Variants in MSH6 observed in about 807,000 individuals in gnomAD.
MSH6 encodes mutS homolog 6.
In MSH6, 85 loss-of-function variants were observed where a neutral mutation model predicts 119.1. The observed-to-expected ratio is 0.71, with a 90% CI of 0.60 to 0.85. MSH6 has a LOEUF of 0.85. Ranked by LOEUF, MSH6 falls within the 40% of genes least tolerant of loss-of-function variation. The pLI is 0.00. For missense variants in MSH6, 2,163 were observed against 1,655.3 expected (o/e 1.31, Z -5.32); for synonymous variants, 830 against 586.9 (o/e 1.41, Z -5.99).
chr2:47,800,826 A>T lies in MSH6; in HGVS notation c.2843A>T (p.Glu948Val), dbSNP rs1669517117. Residue 948 changes from glutamate to valine, a missense_variant, in exon 4 of 10, where the codon GAA (glutamate) becomes GTA (valine). Transcript: ENST00000234420. ...DQALADIREN[E>V]QSLLEYLEKQ... is the part of the protein sequence containing the mutation. ...GCTCTTGCTGACATAAGAGAAAATG[A>T]ACAGAGCCTCCTGGAATACCTAGAG... The T allele has an allele frequency of 6.2e-7, 1 of 1,614,018 alleles. No homozygotes were observed. Among genetic ancestry groups the T allele is most frequent in the South Asian group, 1.1e-5 (1 of 91,084 alleles).
chr2:47,805,068 T>G (rs2104511604), intron 6 of MSH6, 41 bp downstream of exon 6: 1 of 1,292,080 alleles, frequency 7.7e-7, no homozygotes, highest in Non-Finnish European at 1.1e-6. Context: ...ATTCAGTCAT[T>G]TAGATGTGAT....
rs1572746412 is a variant in MSH6 at position 47,806,484 on chromosome 2, C to T, written c.3834C>T (p.Pro1278=). ...ACMVENECED[P]SQETITFLYK... is the part of the protein sequence containing the mutation. ...TGGTAGAAAATGAATGTGAAGACCC[C>T]AGCCAGGAGACTATTACGTTCCTCT... Residue 1278 remains proline, a synonymous_variant, in exon 9 of 10, where the codon CCC becomes CCT. Transcript: ENST00000234420. 1 of 1,614,022 alleles carries T rather than the reference C, an allele frequency of 6.2e-7. No individual in the cohort carries two copies. The highest frequency in any genetic ancestry group is 1.7e-5 in the Admixed American group (1 of 59,994).
chr2:47,788,882 C>G (rs1213298418), intron 1 of MSH6, among the ~76,000 whole-genome samples: 2 of 116,776 alleles, frequency 1.7e-5, no homozygotes, highest in Non-Finnish European at 3.4e-5. Context: ...CAGCATACTG[C>G]TATTTCTTTC....
rs60302527 is a variant in MSH6 at position 47,804,481 on chromosome 2, G to A, written c.3439-429G>A. On this transcript the variant is annotated intron_variant, in intron 5 of 9. Coordinates refer to ENST00000234420, the MANE Select transcript of MSH6 (RefSeq NM_000179.3). ...AGAGAGGCAGTATAGTGTGTATAGT[G>A]ATTTCCAAACTTTTTCTTTAAATCA... Among the ~76,000 whole-genome samples the A allele has an allele frequency of 2.2e-4, 34 of 151,452 alleles. No homozygotes were observed. In the East Asian group the frequency reaches 5.4e-3, roughly 24 times the overall value.
rs878853715 is a variant in MSH6, at chr2:47,800,208, A to C, written c.2225A>C (p.Asn742Thr). ...GTGCTAGATGCAGTGACATTAAACA[A>C]CTTGGAGATTTTTCTGAATGGAACA... Reference protein sequence around the residue: ...RMVLDAVTLNNLEIFLNGTNG... With the variant: ...RMVLDAVTLNTLEIFLNGTNG... The change falls in exon 4 of 10, where the codon AAC (asparagine) becomes ACC (threonine). Residue 742 changes from asparagine to threonine, a missense_variant. Coordinates refer to ENST00000234420, the MANE Select transcript of MSH6 (RefSeq NM_000179.3). 6.2e-7 allele frequency: 1 copy of C among 1,614,178 alleles called. No individual in the cohort carries two copies. Among genetic ancestry groups the C allele is most frequent in the Non-Finnish European group, 8.5e-7 (1 of 1,180,026 alleles).
chr2:47,806,651 G>A lies in MSH6; in HGVS notation c.4001G>A (p.Arg1334Gln), dbSNP rs267608122. 2.5e-6 allele frequency: 4 copies of A among 1,606,938 alleles called. No homozygotes were observed. The highest frequency in any genetic ancestry group is 3.4e-6 in the Non-Finnish European group (4 of 1,177,432). Residue 1334 changes from arginine (R) to glutamine (Q), a missense_variant and splice_region_variant, in exon 9 of 10, where the codon CGG becomes CAG. Arg to Gln is a conservative substitution (Grantham distance 43, BLOSUM62 1). Coordinates refer to ENST00000234420, the MANE Select transcript of MSH6 (RefSeq NM_000179.3). Reference sequence around the variant, plus strand: ...ATGAATCAGTCACTACGATTATTTCGGTAACTAACTAACTATAATGGAATT... The same window carrying A: ...ATGAATCAGTCACTACGATTATTTCAGTAACTAACTAACTATAATGGAATT... Reference protein sequence around the residue: ...EKMNQSLRLFREVCLASERST... With the variant: ...EKMNQSLRLFQEVCLASERST...
Position 47,806,407 on chromosome 2 carries a change from C to CT in MSH6, c.3802-43dup, listed in dbSNP as rs34154602. 0.095 allele frequency: 152,901 copies of CT among 1,613,676 alleles called. 8,496 individuals are homozygous for CT. Among genetic ancestry groups the CT allele is most frequent in the Non-Finnish European group, 0.11 (131,428 of 1,179,732 alleles). ...ACAAATTCGGTTTTTTGAGAGGGCA[C>CT]TTCTCTTGCTAGCACATGTATCGCT... is the stretch of plus-strand genomic sequence containing the variant. On this transcript the variant is annotated intron_variant, in intron 8 of 9. Transcript: ENST00000234420.
intron 3 of MSH6, among the ~76,000 whole-genome samples, chr2:47,796,573 T>G (rs1669109450): frequency 6.6e-6 from 1 of 152,234 alleles, no homozygotes; most frequent in Non-Finnish European, 1.5e-5. Context: ...TAAAACTTTT[T>G]TTGTTGTATT....
At chr2:47,807,252 C>CTGTT (rs564683969), downstream of MSH6, 53 of 229,926 alleles carry the variant, frequency 2.3e-4, no homozygotes, top group African/African-American at 5.6e-4. Flanking sequence ...AAATACAGGA[C>CTGTT]TGTTTGTTTT....
intron 8 of MSH6, 42 bp downstream of exon 8, chr2:47,806,400 G>C (rs1229969229): frequency 1.2e-6 from 2 of 1,612,436 alleles, no homozygotes; most frequent in African/African-American, 2.7e-5. Context: ...GGTTTTTTGA[G>C]AGGGCACTTC....
intron 2 of MSH6, among the ~76,000 whole-genome samples, chr2:47,795,203 A>T (rs931561272): frequency 1.3e-5 from 2 of 152,330 alleles, no homozygotes. Flanking sequence ...AAGACAGACT[A>T]AGTAGTCCTG....
chr2:47,809,170 T>C, downstream of MSH6: 1 of 1,574,806 alleles, frequency 6.3e-7, no homozygotes, highest in Non-Finnish European at 8.7e-7. Flanking sequence ...GTAGAAATCA[T>C]GCATGGGATA....
At chr2:47,806,109 CCGATGTTGCTTT>C in intron 7 of MSH6, 83 bp from the exon 8 acceptor site, 1 of 1,201,910 alleles carries the variant, frequency 8.3e-7, no homozygotes, top group South Asian at 1.3e-5. Flanking sequence ...GATGTACTAA[CCGATGTTGCTTT>C]TCTGTCCTAG....
intron 2 of MSH6, among the ~76,000 whole-genome samples, chr2:47,795,180 C>T (rs1363877497): frequency 1.3e-5 from 2 of 152,120 alleles, no homozygotes; most frequent in African/African-American, 2.4e-5. Flanking sequence ...GGGCTGTAGA[C>T]CCAGGTCATT....
intron 1 of MSH6, among the ~76,000 whole-genome samples, chr2:47,787,382 C>G (rs959843735): frequency 1.1e-4 from 17 of 152,240 alleles, no homozygotes; most frequent in African/African-American, 4.1e-4. Flanking sequence ...AAAGAGAAAG[C>G]AAAAATAATG....
At position 47,798,816 on chromosome 2, in the gene MSH6, T is replaced by C. The variant is rs876658406; in HGVS notation, c.833T>C (p.Ile278Thr). 6.2e-7 allele frequency: 1 copy of C among 1,614,012 alleles called. No individual in the cohort carries two copies. Among genetic ancestry groups the C allele is most frequent in the Non-Finnish European group, 8.5e-7 (1 of 1,180,000 alleles). Reference protein sequence around the residue: ...DTKEEGSSDEISSGVGDSESE... With the variant: ...DTKEEGSSDETSSGVGDSESE... The stretch of plus-strand genomic sequence containing the variant: ...AAGGAGGAAGGAAGCAGTGATGAAA[T>C]AAGCAGTGGAGTGGGGGATAGTGAG... Residue 278 changes from isoleucine to threonine, a missense_variant, in exon 4 of 10, where the codon ATA (isoleucine) becomes ACA (threonine). Coordinates refer to ENST00000234420, the MANE Select transcript of MSH6 (RefSeq NM_000179.3).
intron 2 of MSH6, among the ~76,000 whole-genome samples, chr2:47,792,941 C>T (rs1445992738): frequency 6.7e-6 from 1 of 149,866 alleles, no homozygotes; most frequent in Non-Finnish European, 1.5e-5. Flanking sequence ...GATCCTTCTG[C>T]ATCAGGCTCC....
At chr2:47,805,574 G>C (rs1361887823) in intron 6 of MSH6, 44 bp from the exon 7 acceptor site, 2 of 1,280,852 alleles carry the variant, frequency 1.6e-6, no homozygotes, top group Non-Finnish European at 2.3e-6. Flanking sequence ...TATGTAATAT[G>C]ATTTGCAAAA....
At chr2:47,807,904 CAGT>C, downstream of MSH6, 1 of 490,924 alleles carries the variant, frequency 2.0e-6, no homozygotes, top group Non-Finnish European at 3.7e-6. Flanking sequence ...AGTCTTTACA[CAGT>C]AATGCTAAAA....
Sources: gnomAD v4.1 joint callset for allele counts (sites outside exome capture counted in the v4.1 genomes callset) on GRCh38, gnomAD v4.1.1 for gene constraint, MANE v1.5 for transcripts, NCBI Gene and HGNC (gene_info 2026-07-23, HGNC 2026-07-21) for gene names.